The following CHN2 variants were observed in gnomAD, a reference collection of about 807,000 sequenced individuals.
The protein encoded by CHN2 is beta-chimaerin.
CHN2 carries 35 observed loss-of-function variants against 56.3 expected under a neutral mutation model. That is an observed-to-expected ratio of 0.62 (90% CI 0.47 to 0.82). The LOEUF (loss-of-function observed/expected upper bound fraction) is 0.82, where lower values mean the gene tolerates loss of function less well. CHN2 is among the 40% of genes least tolerant of loss of function. The pLI, the probability that CHN2 is intolerant of heterozygous loss-of-function variation, is 0.00. For missense variants in CHN2, 491 were observed against 580.5 expected (o/e 0.85, Z 1.58); for synonymous variants, 210 against 212.8 (o/e 0.99, Z 0.12).
At position 29,159,126 on chromosome 7, in the gene CHN2, G is replaced by C. The variant is rs188362300; in HGVS notation, c.274+12166G>C. On this transcript the variant is annotated intron_variant, in intron 2 of 6. Coordinates refer to the CHN2 transcript ENST00000439384. ...CCTAATGGGCTACACAGCACAAGGA[G>C]CCCTCCCAGAGCCAGTGAGAAAGCA... Among the ~76,000 whole-genome samples, 168 of 152,298 alleles carry C rather than the reference G, an allele frequency of 1.1e-3. 1 individual carries two copies. The highest frequency in any genetic ancestry group is 3.8e-3 in the African/African-American group (159 of 41,572).
At chr7:29,496,367 G>T (rs754845228) in intron 8 of CHN2, among the ~76,000 whole-genome samples, 1 of 151,990 alleles carries the variant, frequency 6.6e-6, no homozygotes, top group African/African-American at 2.4e-5. Flanking sequence ...GCCATACTTT[G>T]TCCTACCCCA....
At chr7:29,292,128 A>G (rs1043605824) in intron 1 of CHN2, among the ~76,000 whole-genome samples, 3 of 152,232 alleles carry the variant, frequency 2.0e-5, no homozygotes, top group African/African-American at 7.2e-5. Flanking sequence ...AGGAGTATCT[A>G]CATACATTTA....
At chr7:29,209,269 C>T (rs966013815) in intron 1 of CHN2, among the ~76,000 whole-genome samples, 1 of 152,108 alleles carries the variant, frequency 6.6e-6, no homozygotes, top group Non-Finnish European at 1.5e-5. Context: ...CATGAATGTC[C>T]TCAGCCCTTA....
At chr7:29,226,876 T>C (rs936800518) in intron 1 of CHN2, among the ~76,000 whole-genome samples, 2 of 152,278 alleles carry the variant, frequency 1.3e-5, no homozygotes, top group Admixed American at 6.5e-5. Context: ...GTGTCCTATC[T>C]ACAAAATGGA....
At chr7:29,330,758 G>T (rs1796153052) in intron 1 of CHN2, among the ~76,000 whole-genome samples, 1 of 152,194 alleles carries the variant, frequency 6.6e-6, no homozygotes, top group Admixed American at 6.5e-5. Flanking sequence ...GAAAAGGAAA[G>T]GGGAGAGCGT....
chr7:29,229,933 C>T (rs1786532056), intron 1 of CHN2, among the ~76,000 whole-genome samples: 1 of 152,020 alleles, frequency 6.6e-6, no homozygotes, highest in East Asian at 1.9e-4. Flanking sequence ...GCTGAGATCA[C>T]ACCACTGCAC....
At chr7:29,469,152 C>T (rs1785818936) in intron 6 of CHN2, among the ~76,000 whole-genome samples, 1 of 152,204 alleles carries the variant, frequency 6.6e-6, no homozygotes, top group South Asian at 2.1e-4. Flanking sequence ...TTCATGTGCA[C>T]TTCACATCCA....
intron 1 of CHN2, among the ~76,000 whole-genome samples, chr7:29,260,309 G>C (rs1789430479): frequency 6.6e-6 from 1 of 152,156 alleles, no homozygotes; most frequent in Admixed American, 6.5e-5. Context: ...AGTCATGTCA[G>C]TGCATTATCC....
At chr7:29,210,082 G>C (rs1784802896) in intron 1 of CHN2, among the ~76,000 whole-genome samples, 1 of 151,864 alleles carries the variant, frequency 6.6e-6, no homozygotes, top group Non-Finnish European at 1.5e-5. Flanking sequence ...GATCATCTCT[G>C]AGGGTCTTAA....
At chr7:29,223,798 T>C (rs1392937154) in intron 1 of CHN2, among the ~76,000 whole-genome samples, 1 of 152,178 alleles carries the variant, frequency 6.6e-6, no homozygotes, top group Non-Finnish European at 1.5e-5. Context: ...GGTCATGAGG[T>C]ACATATAATA....
At chr7:29,466,862 C>T (rs1357123000) in intron 6 of CHN2, among the ~76,000 whole-genome samples, 1 of 152,034 alleles carries the variant, frequency 6.6e-6, no homozygotes, top group Non-Finnish European at 1.5e-5. Context: ...TTTTCTGTGG[C>T]AAAGTTTTTC....
chr7:29,440,536 C>A (rs914514814), intron 6 of CHN2, among the ~76,000 whole-genome samples: 1 of 151,716 alleles, frequency 6.6e-6, no homozygotes, highest in South Asian at 2.1e-4. Flanking sequence ...ACTAAAAATA[C>A]AAAAATTAGC....
chr7:29,292,237 T>C (rs1260609231), intron 1 of CHN2, among the ~76,000 whole-genome samples: 5 of 152,186 alleles, frequency 3.3e-5, no homozygotes, highest in South Asian at 2.1e-4. Context: ...TGAGGAGCAT[T>C]ACTATAAAAT....
At chr7:29,262,270 C>T (rs1443420760) in intron 1 of CHN2, among the ~76,000 whole-genome samples, 1 of 152,198 alleles carries the variant, frequency 6.6e-6, no homozygotes, top group Non-Finnish European at 1.5e-5. Context: ...AGAAGGAAAA[C>T]TTCAGGTATT....
At chr7:29,355,480 C>G (rs998690036) in intron 2 of CHN2, among the ~76,000 whole-genome samples, 5 of 152,232 alleles carry the variant, frequency 3.3e-5, no homozygotes, top group Non-Finnish European at 7.4e-5. Flanking sequence ...TAGCTCCCCT[C>G]GTGAAGGCAG....
At chr7:29,211,406 G>T (rs1428489255) in intron 1 of CHN2, among the ~76,000 whole-genome samples, 2 of 149,796 alleles carry the variant, frequency 1.3e-5, no homozygotes, top group Non-Finnish European at 3.0e-5. Context: ...GATCCATTCT[G>T]GCTATTATGT....
At chr7:29,336,925 T>C (rs1796673324) in intron 1 of CHN2, among the ~76,000 whole-genome samples, 1 of 152,260 alleles carries the variant, frequency 6.6e-6, no homozygotes, top group African/African-American at 2.4e-5. Context: ...CCAGCTCCAA[T>C]GTCATCTCCT....
At chr7:29,254,191 C>T (rs912406894) in intron 1 of CHN2, among the ~76,000 whole-genome samples, 2 of 152,226 alleles carry the variant, frequency 1.3e-5, no homozygotes, top group East Asian at 3.9e-4. Context: ...GCGTGAACCA[C>T]CACACCCAGC....
chr7:29,485,742 T>C (rs1351486011), intron 7 of CHN2, among the ~76,000 whole-genome samples: 1 of 152,118 alleles, frequency 6.6e-6, no homozygotes, highest in Non-Finnish European at 1.5e-5. Context: ...AAATCATCAG[T>C]TGGGGTGGGC....
Sources: allele counts gnomAD v4.1 joint callset (sites outside exome capture counted in the v4.1 genomes callset), GRCh38; gene constraint gnomAD v4.1.1; transcripts MANE v1.5; gene names NCBI Gene and HGNC (gene_info 2026-07-23, HGNC 2026-07-21).